The following CD59 variants were observed in gnomAD, a reference collection of about 807,000 sequenced individuals.
CD59 encodes the protein CD59 glycoprotein.
A neutral mutation model predicts 7.0 loss-of-function variants in CD59; 3 were observed. The ratio of observed to expected loss-of-function variants is 0.43; its 90% CI spans 0.19 to 1.10. The LOEUF is 1.10. CD59 is among the 50% of genes least tolerant of loss of function. The pLI is 0.29. For missense variants in CD59, 143 were observed against 151.0 expected, an observed-to-expected ratio of 0.95 and a Z score of 0.28; for synonymous variants, 60 against 62.0, an observed-to-expected ratio of 0.97 and a Z score of 0.15.
rs547033862 is a variant in CD59, at chr11:33,703,505, C to A, written c.*6621G>T. ...GTACCATCCTGTTGGAGCTTCCTAA[C>A]GCCCCTGCTCCCTGGTTTCATTTGG... On this transcript the variant is annotated 3_prime_UTR_variant, in exon 4 of 4. Transcript: ENST00000642928. The A allele has an allele frequency of 6.6e-5, 10 of 152,254 alleles. No homozygotes were observed. The highest frequency in any genetic ancestry group is 2.4e-4 in the African/African-American group (10 of 41,470). 9.4% of individuals were successfully genotyped at this position (152,254 alleles called of 1,614,324 possible). A position where few individuals can be genotyped will look rare whatever the true frequency, so the allele number is the denominator to read the frequency against.
chr11:33,722,631 T>C (rs1341701039), intron 1 of CD59, 168 bp from the exon 2 acceptor site: 4 of 1,482,086 alleles, frequency 2.7e-6, no homozygotes, highest in Admixed American at 2.1e-5. Flanking sequence ...CACAGCACCA[T>C]ATACCCTTGA....
At chr11:33,710,477 T>C (rs1853495874) in intron 3 of CD59, 134 bp from the exon 4 acceptor site, 1 of 739,382 alleles carries the variant, frequency 1.4e-6, no homozygotes. Flanking sequence ...CCCAGGTGGG[T>C]TGTAAAGGAG....
intron 1 of CD59, among the ~76,000 whole-genome samples, chr11:33,734,565 CT>C (rs1310551942): frequency 6.6e-6 from 1 of 152,184 alleles, no homozygotes; most frequent in Non-Finnish European, 1.5e-5. Context: ...GGCCAGAACT[CT>C]TTGGACCAAA....
At chr11:33,716,391 G>A (rs1455055858) in intron 3 of CD59, among the ~76,000 whole-genome samples, 1 of 152,164 alleles carries the variant, frequency 6.6e-6, no homozygotes, top group African/African-American at 2.4e-5. Flanking sequence ...ATTTCTTGAT[G>A]TTGACACTGG....
At chr11:33,728,346 A>T (rs1405117819) in intron 1 of CD59, among the ~76,000 whole-genome samples, 5 of 152,040 alleles carry the variant, frequency 3.3e-5, no homozygotes, top group Admixed American at 2.0e-4. Context: ...GAACAGAACA[A>T]AGGCCTCAGA....
rs949609561 is a variant in CD59 at position 33,717,754 on chromosome 11, C to T, written c.68-283G>A. On this transcript the variant is annotated intron_variant, in intron 2 of 3. Coordinates refer to ENST00000642928, the MANE Select transcript of CD59 (RefSeq NM_000611.6). ...CTGCAACTGGAAGGAGATTAGTCTG[C>T]AATGTAATGATGTGTTAAGAAGAAA... The T allele has an allele frequency of 2.0e-5, 8 of 409,888 alleles. No individual in the cohort carries two copies. The Admixed American group carries it at 2.9e-4, about 15-fold the overall frequency. 25.4% of individuals were successfully genotyped at this position (409,888 alleles called of 1,614,324 possible).
rs1252075049 is a variant in CD59, at chr11:33,708,617, AC to A, written c.*1508del. Reference sequence around the variant, plus strand: ...CCTCAGGCCAAAAAAAAAAAAAAAAACCTATTGATGTAAGGAAAGACACTGA... The same window carrying A: ...CCTCAGGCCAAAAAAAAAAAAAAAAACTATTGATGTAAGGAAAGACACTGA... On this transcript the variant is annotated 3_prime_UTR_variant, in exon 4 of 4. Coordinates refer to ENST00000642928, the MANE Select transcript of CD59 (RefSeq NM_000611.6). The A allele has an allele frequency of 3.3e-5, 5 of 151,636 alleles. No individual in the cohort carries two copies. The highest frequency in any genetic ancestry group is 5.9e-5 in the Non-Finnish European group (4 of 67,918). 9.4% of individuals were successfully genotyped at this position (151,636 alleles called of 1,614,324 possible). A position where few individuals can be genotyped will look rare whatever the true frequency, so the allele number is the denominator to read the frequency against.
chr11:33,721,445 G>A (rs1250756030), intron 2 of CD59, among the ~76,000 whole-genome samples: 1 of 152,186 alleles, frequency 6.6e-6, no homozygotes, highest in Non-Finnish European at 1.5e-5. Flanking sequence ...TGCTACAGTG[G>A]TGTGGAAATC....
chr11:33,722,471 G>C lies in CD59; in HGVS notation c.-18-8C>G. 6.2e-7 allele frequency: 1 copy of C among 1,613,442 alleles called. No individual in the cohort carries two copies. Among genetic ancestry groups the C allele is most frequent in the East Asian group, 2.2e-5 (1 of 44,854 alleles). ...TGTGATTGTCCACAGAACCTGGAAG[G>C]AAGGGACAGGAAGGAATGTCAGGAA... On this transcript the variant is annotated splice_region_variant and splice_polypyrimidine_tract_variant and intron_variant, in intron 1 of 3. Transcript: ENST00000642928.
At chr11:33,718,728 A>G (rs1033797308) in intron 2 of CD59, 3 of 152,172 alleles carry the variant, frequency 2.0e-5, no homozygotes, top group Admixed American at 2.0e-4. Flanking sequence ...TAGTTTGAAA[A>G]ACAATTATTG....
Position 33,709,970 on chromosome 11 carries a change from C to G in CD59, c.*156G>C. ...CAAACAGGACTGGTCTTCAAAGTCT[C>G]CCAGAGCCCCTCTATCTTAGCCAGG... On this transcript the variant is annotated 3_prime_UTR_variant, in exon 4 of 4. Transcript: ENST00000642928. 1.4e-6 allele frequency: 1 copy of G among 703,774 alleles called. No individual in the cohort carries two copies. Among genetic ancestry groups the G allele is most frequent in the South Asian group, 1.6e-5 (1 of 64,308 alleles). The allele number at this position is 703,774 out of a possible 1,614,324, so 43.6% of individuals were successfully genotyped here. A position where few individuals can be genotyped will look rare whatever the true frequency, so the allele number is the denominator to read the frequency against.
intron 1 of CD59, among the ~76,000 whole-genome samples, chr11:33,730,255 CA>C (rs761598048): frequency 6.8e-4 from 95 of 140,112 alleles, no homozygotes; most frequent in African/African-American, 7.1e-4. Context: ...CCCATCTCTA[CA>C]AAAAAAAAAA....
chr11:33,719,216 G>C (rs957764101), intron 2 of CD59: 2 of 152,216 alleles, frequency 1.3e-5, no homozygotes, highest in African/African-American at 4.8e-5. Context: ...GTTCTCTAGA[G>C]CATCTGAAAT....
At chr11:33,726,496 C>T (rs1412620860) in intron 1 of CD59, among the ~76,000 whole-genome samples, 1 of 152,170 alleles carries the variant, frequency 6.6e-6, no homozygotes, top group African/African-American at 2.4e-5. Context: ...AAAGACACGA[C>T]GTACCAGAAT....
intron 3 of CD59, among the ~76,000 whole-genome samples, chr11:33,715,627 A>G (rs1231501335): frequency 6.6e-6 from 1 of 152,112 alleles, no homozygotes. Flanking sequence ...CCAGAAAAAC[A>G]AAGTTCCCAT....
intron 2 of CD59, chr11:33,718,330 A>G (rs2133547562): frequency 6.6e-6 from 1 of 152,378 alleles, no homozygotes; most frequent in African/African-American, 2.4e-5. Context: ...TAAAAATAAA[A>G]AAATTAGCCA....
chr11:33,732,151 A>G (rs1433262015), intron 1 of CD59, among the ~76,000 whole-genome samples: 1 of 151,738 alleles, frequency 6.6e-6, no homozygotes, highest in Non-Finnish European at 1.5e-5. Flanking sequence ...TTAAACCTCT[A>G]TTTCTTTACA....
In CD59 at chr11:33,706,419, T is replaced by C. The variant is rs1321347136; in HGVS notation, c.*3707A>G. The C allele has an allele frequency of 6.6e-6, 1 of 152,174 alleles. No homozygotes were observed. Among genetic ancestry groups the C allele is most frequent in the Non-Finnish European group, 1.5e-5 (1 of 68,038 alleles). 9.4% of individuals were successfully genotyped at this position (152,174 alleles called of 1,614,324 possible). ...GTGATTCACTGTAGGTTTTAGACTC[T>C]TACAGCCTTAACAACCTTGTAAATC... is the stretch of plus-strand genomic sequence containing the variant. On this transcript the variant is annotated 3_prime_UTR_variant, in exon 4 of 4. Coordinates refer to ENST00000642928, the MANE Select transcript of CD59 (RefSeq NM_000611.6).
rs1346748933 is a variant in CD59 at position 33,722,413 on chromosome 11, C to G, written c.33G>C (p.Gly11=). Residue 11 remains glycine, a synonymous_variant, in exon 2 of 4, where the codon GGG becomes GGC. Coordinates refer to ENST00000642928, the MANE Select transcript of CD59 (RefSeq NM_000611.6). The stretch of plus-strand genomic sequence containing the variant: ...AGAAGACAGCCAGGACGAGCAGCAG[C>G]CCGAACAGGACAGACCCTCCTTGGA... The part of the protein sequence containing the change: MGIQGGSVLF[G]LLLVLAVFCH... The G allele has an allele frequency of 6.2e-7, 1 of 1,614,074 alleles. No homozygotes were observed. The highest frequency in any genetic ancestry group is 8.5e-7 in the Non-Finnish European group (1 of 1,179,956).
Sources: gnomAD v4.1 joint callset for allele counts (sites outside exome capture counted in the v4.1 genomes callset) on GRCh38, gnomAD v4.1.1 for gene constraint, MANE v1.5 for transcripts, NCBI Gene and HGNC (gene_info 2026-07-23, HGNC 2026-07-21) for gene names.